Variants in THSD7A observed in about 807,000 individuals in gnomAD.
THSD7A encodes thrombospondin type 1 domain containing 7A, also known as thrombospondin type-1 domain-containing protein 7A.
Under a neutral mutation model 231.3 loss-of-function variants are expected in THSD7A, and 96 were observed. The ratio of observed to expected loss-of-function variants is 0.41; its 90% CI spans 0.35 to 0.49. The LOEUF is 0.49. THSD7A is among the 20% of genes least tolerant of loss of function. The pLI, the probability that THSD7A is intolerant of heterozygous loss-of-function variation, is 0.05. For missense variants in THSD7A, 2,290 were observed against 2,070.2 expected, an observed-to-expected ratio of 1.11 and a Z score of -2.06; for synonymous variants, 940 against 743.3, an observed-to-expected ratio of 1.26 and a Z score of -4.30.
intron 8 of THSD7A, among the ~76,000 whole-genome samples, chr7:11,473,210 T>C (rs1786006873): frequency 6.6e-6 from 1 of 152,108 alleles, no homozygotes; most frequent in South Asian, 2.1e-4. Flanking sequence ...AAACATCTCA[T>C]AATGGGATTC....
chr7:11,386,856 C>T (rs551747116), intron 23 of THSD7A, among the ~76,000 whole-genome samples: 9 of 152,108 alleles, frequency 5.9e-5, no homozygotes, highest in East Asian at 5.8e-4. Flanking sequence ...CTTGGGTTTA[C>T]GTCTTTAATC....
At chr7:11,775,836 G>A (rs1783388074) in intron 1 of THSD7A, among the ~76,000 whole-genome samples, 1 of 152,086 alleles carries the variant, frequency 6.6e-6, no homozygotes, top group Non-Finnish European at 1.5e-5. Flanking sequence ...TACATTTAGT[G>A]TTATGAATAT....
At chr7:11,568,259 G>A (rs1790450665) in intron 4 of THSD7A, among the ~76,000 whole-genome samples, 2 of 152,248 alleles carry the variant, frequency 1.3e-5, no homozygotes, top group South Asian at 2.1e-4. Context: ...CCACAGCAAC[G>A]TATGTGGGAT....
At chr7:11,547,199 C>T (rs115435603) in intron 4 of THSD7A, among the ~76,000 whole-genome samples, 2,036 of 152,246 alleles carry the variant, frequency 0.013, 57 homozygotes, top group African/African-American at 0.046. Flanking sequence ...ACCACAAAAA[C>T]ACACTTAAGT....
At chr7:11,480,743 TACAC>T (rs1016305279) in intron 7 of THSD7A, among the ~76,000 whole-genome samples, 6 of 152,140 alleles carry the variant, frequency 3.9e-5, no homozygotes, top group South Asian at 2.1e-4. Context: ...GCACAGTTGT[TACAC>T]ACACAGATAG....
chr7:11,661,168 G>C (rs1231228404), intron 1 of THSD7A, among the ~76,000 whole-genome samples: 1 of 151,358 alleles, frequency 6.6e-6, no homozygotes, highest in Non-Finnish European at 1.5e-5. Flanking sequence ...TGTGGATAAA[G>C]AAATCATCTT....
chr7:11,417,545 G>T lies in THSD7A; in HGVS notation c.3442C>A (p.Pro1148Thr). ...CTAGAGCCCAGGGGCATCTCTTCTGGGTCACAGAGGTAATCCTCTACATGT... is the reference window on the plus strand; with the variant it reads ...CTAGAGCCCAGGGGCATCTCTTCTGTGTCACAGAGGTAATCCTCTACATGT... The part of the protein sequence containing the change: ...SEHVEDYLCD[P>T]EEMPLGSRVC... Residue 1148 changes from proline to threonine, a missense_variant, in exon 17 of 28, where the codon CCA becomes ACA. Coordinates refer to ENST00000423059, the MANE Select transcript of THSD7A (RefSeq NM_015204.3). 1.9e-6 allele frequency: 3 copies of T among 1,613,690 alleles called. No individual in the cohort carries two copies. The highest frequency in any genetic ancestry group is 1.6e-4 in the Middle Eastern group (1 of 6,062).
chr7:11,435,435 G>T (rs1784603073), intron 13 of THSD7A, among the ~76,000 whole-genome samples: 1 of 152,100 alleles, frequency 6.6e-6, no homozygotes, highest in Non-Finnish European at 1.5e-5. Flanking sequence ...GAGAGTTGGA[G>T]CTTTGAGCTA....
chr7:11,398,889 G>C (rs975488830), intron 23 of THSD7A, among the ~76,000 whole-genome samples: 1 of 152,142 alleles, frequency 6.6e-6, no homozygotes, highest in East Asian at 1.9e-4. Context: ...AGAGTAAAAA[G>C]CATGTATCAA....
chr7:11,478,159 C>G lies in THSD7A; in HGVS notation c.2018-3591G>C, dbSNP rs75505636. ...ACCCATTGTTATCTCCATTGCTATA[C>G]CCACAAGATATCTTCATTACTCTGC... is the stretch of plus-strand genomic sequence containing the variant. On this transcript the variant is annotated intron_variant, in intron 7 of 27. Coordinates refer to ENST00000423059, the MANE Select transcript of THSD7A (RefSeq NM_015204.3). Among the ~76,000 whole-genome samples, 1,116 of 152,294 alleles carry G rather than the reference C, an allele frequency of 7.3e-3. 10 individuals are homozygous for G. Among genetic ancestry groups the G allele is most frequent in the African/African-American group, 0.025 (1,034 of 41,572 alleles).
chr7:11,764,596 G>T, intron 1 of THSD7A, among the ~76,000 whole-genome samples: 1 of 150,714 alleles, frequency 6.6e-6, no homozygotes, highest in Admixed American at 6.6e-5. Flanking sequence ...AAAGTAAAGG[G>T]ATGAGAATGA....
At chr7:11,533,738 G>A (rs562830643) in intron 6 of THSD7A, among the ~76,000 whole-genome samples, 2 of 152,252 alleles carry the variant, frequency 1.3e-5, no homozygotes, top group Admixed American at 6.5e-5. Flanking sequence ...CCTGTCGGGT[G>A]TGGGGAGCAG....
At position 11,411,324 on chromosome 7, in the gene THSD7A, T is replaced by TG. The variant is rs1554302132; in HGVS notation, c.3683-3dup. ...CACTCAGCTGACATGTACTCCAGTC[T>TG]GAAAAAAAGGGAAGCCCATCAGAAC... On this transcript the variant is annotated splice_polypyrimidine_tract_variant and splice_region_variant and intron_variant, in intron 18 of 27. Transcript: ENST00000423059. The surrounding 1 kb of genome is among the most constrained non-coding windows in gnomAD (Gnocchi z 4.1). 2 of 1,601,050 alleles carry TG rather than the reference T, an allele frequency of 1.2e-6. No individual in the cohort carries two copies. Among genetic ancestry groups the TG allele is most frequent in the Non-Finnish European group, 1.7e-6 (2 of 1,172,450 alleles).
chr7:11,462,450 T>C (rs1377075759), intron 9 of THSD7A, among the ~76,000 whole-genome samples: 2 of 152,232 alleles, frequency 1.3e-5, no homozygotes, highest in East Asian at 1.9e-4. Flanking sequence ...TTGAGGAATA[T>C]GACAGATCTA....
Position 11,375,021 on chromosome 7 carries a change from G to T in THSD7A, c.*773C>A, listed in dbSNP as rs1411139697. The T allele has an allele frequency of 6.6e-6, 1 of 151,996 alleles. No individual in the cohort carries two copies. Among genetic ancestry groups the T allele is most frequent in the Admixed American group, 6.6e-5 (1 of 15,206 alleles). The allele number at this position is 151,996 out of a possible 1,614,324, so 9.4% of individuals were successfully genotyped here. A position where few individuals can be genotyped will look rare whatever the true frequency, so the allele number is the denominator to read the frequency against. On this transcript the variant is annotated 3_prime_UTR_variant, in exon 28 of 28. Transcript: ENST00000423059. The stretch of plus-strand genomic sequence containing the variant: ...AATGTGCCTTCCATATAGCAAAAAA[G>T]ATGCAGGCAACCAGTTTGAAAATCA...
intron 1 of THSD7A, among the ~76,000 whole-genome samples, chr7:11,670,491 T>C (rs545500148): frequency 2.2e-4 from 33 of 152,218 alleles, no homozygotes; most frequent in African/African-American, 4.1e-4. Flanking sequence ...AGGGCTCACC[T>C]AGCCAGCTAA....
rs192351507 is a variant in THSD7A at position 11,474,116 on chromosome 7, C to T, written c.2252+218G>A. On this transcript the variant is annotated intron_variant, in intron 8 of 27. Coordinates refer to ENST00000423059, the MANE Select transcript of THSD7A (RefSeq NM_015204.3). The surrounding 1 kb of genome is among the most constrained non-coding windows in gnomAD (Gnocchi z 4.1). ...CTACTATAAAACAGAGAGTAGGCACCAGATAGAAAGATTTCTACAGAATTT... is the reference window on the plus strand; with the variant it reads ...CTACTATAAAACAGAGAGTAGGCACTAGATAGAAAGATTTCTACAGAATTT... Among the ~76,000 whole-genome samples the T allele has an allele frequency of 9.9e-5, 15 of 152,192 alleles. No homozygotes were observed. Among genetic ancestry groups the T allele is most frequent in the Admixed American group, 8.5e-4 (13 of 15,292 alleles).
intron 26 of THSD7A, chr7:11,378,663 G>A: frequency 5.4e-6 from 1 of 185,032 alleles, no homozygotes; most frequent in Non-Finnish European, 1.1e-5. Context: ...TTATTTAAGG[G>A]TCAAACTATT....
At chr7:11,767,995 A>G (rs2128170408) in intron 1 of THSD7A, among the ~76,000 whole-genome samples, 1 of 152,312 alleles carries the variant, frequency 6.6e-6, no homozygotes, top group Admixed American at 6.5e-5. Flanking sequence ...TATATTAGCT[A>G]TTCTTTAAAT....
Sources: allele counts gnomAD v4.1 joint callset (sites outside exome capture counted in the v4.1 genomes callset), GRCh38; gene constraint gnomAD v4.1.1; non-coding constraint Gnocchi (gnomAD v3.1); transcripts MANE v1.5; gene names NCBI Gene and HGNC (gene_info 2026-07-23, HGNC 2026-07-21).